DKK2: variants seen among roughly 807,000 people sequenced by gnomAD.
DKK2 encodes dickkopf Wnt signaling pathway inhibitor 2, also known as dickkopf-related protein 2.
A neutral mutation model predicts 28.1 loss-of-function variants in DKK2; 11 were observed. The observed-to-expected ratio is 0.39, with a 90% CI of 0.25 to 0.65. The LOEUF (loss-of-function observed/expected upper bound fraction) is 0.65, where lower values mean the gene tolerates loss of function less well. Among genes scored for constraint, DKK2 ranks in the 30% least tolerant of loss-of-function variants. The probability of loss-of-function intolerance (pLI) is 0.47; values close to 1 mark genes in which losing one functional copy is unlikely to be tolerated. For synonymous variants in DKK2, 135 were observed against 126.5 expected (o/e 1.07, Z -0.45); for missense variants, 326 against 335.5 (o/e 0.97, Z 0.22).
chr4:106,937,010 T>A (rs1469901266), intron 1 of DKK2, among the ~76,000 whole-genome samples: 1 of 151,900 alleles, frequency 6.6e-6, no homozygotes, highest in East Asian at 1.9e-4. Flanking sequence ...CGCTGCAAAA[T>A]CATGCCAAAA....
intron 1 of DKK2, among the ~76,000 whole-genome samples, chr4:106,997,424 A>G (rs1031423359): frequency 6.6e-6 from 1 of 152,048 alleles, no homozygotes; most frequent in African/African-American, 2.4e-5. Flanking sequence ...TTATCAGCCA[A>G]GTTTTATGTG....
At chr4:106,970,994 A>G (rs1722861019) in intron 1 of DKK2, among the ~76,000 whole-genome samples, 1 of 152,142 alleles carries the variant, frequency 6.6e-6, no homozygotes, top group African/African-American at 2.4e-5. Flanking sequence ...TTAAAATACC[A>G]AATTAGGTTT....
chr4:107,035,820 G>C lies in DKK2; in HGVS notation c.-229C>G. The C allele has an allele frequency of 1.7e-6, 1 of 578,866 alleles. No homozygotes were observed. The highest frequency in any genetic ancestry group is 3.1e-6 in the Non-Finnish European group (1 of 324,890). The allele number at this position is 578,866 out of a possible 1,614,324, so 35.9% of individuals were successfully genotyped here. Reference sequence around the variant, plus strand: ...ACCCGCTTCTCCACCAGGACAGGAAGTTCTGCAATAACTGGAAGCAATCAA... The same window carrying C: ...ACCCGCTTCTCCACCAGGACAGGAACTTCTGCAATAACTGGAAGCAATCAA... On this transcript the variant is annotated 5_prime_UTR_variant, in exon 1 of 4. Coordinates refer to ENST00000285311, the MANE Select transcript of DKK2 (RefSeq NM_014421.3).
chr4:106,990,013 T>C (rs1723181208), intron 1 of DKK2, among the ~76,000 whole-genome samples: 1 of 152,208 alleles, frequency 6.6e-6, no homozygotes, highest in African/African-American at 2.4e-5. Context: ...GATGTTTTCT[T>C]TTTTATATTG....
At position 106,924,677 on chromosome 4, in the gene DKK2, T is replaced by C; in HGVS notation, c.397A>G (p.Ser133Gly). The change falls in exon 3 of 4, where the codon AGC becomes GGC. Residue 133 changes from serine (S) to glycine (G), a missense_variant. Coordinates refer to ENST00000285311, the MANE Select transcript of DKK2 (RefSeq NM_014421.3). ...NNGICIPVTE[S>G]ILTPHIPALD... Reference sequence around the variant, plus strand: ...GCCGGGATGTGAGGGGTTAAGATGCTTTCAGTAACTGGGATACAGATGCCT... The same window carrying C: ...GCCGGGATGTGAGGGGTTAAGATGCCTTCAGTAACTGGGATACAGATGCCT... 6.2e-7 allele frequency: 1 copy of C among 1,613,554 alleles called. No homozygotes were observed. Among genetic ancestry groups the C allele is most frequent in the Non-Finnish European group, 8.5e-7 (1 of 1,179,722 alleles).
chr4:107,035,700 G>A lies in DKK2; in HGVS notation c.-109C>T. On this transcript the variant is annotated 5_prime_UTR_variant, in exon 1 of 4. Coordinates refer to ENST00000285311, the MANE Select transcript of DKK2 (RefSeq NM_014421.3). ...CTCACTTGGGTCGCGGGGGCTTGCA[G>A]ATTGTGTTCCCTCAACCCTTCCTGG... The A allele has an allele frequency of 8.9e-7, 1 of 1,127,050 alleles. No individual in the cohort carries two copies. Among genetic ancestry groups the A allele is most frequent in the Non-Finnish European group, 1.3e-6 (1 of 778,642 alleles). The allele number at this position is 1,127,050 out of a possible 1,614,324, so 69.8% of individuals were successfully genotyped here. A position where few individuals can be genotyped will look rare whatever the true frequency, so the allele number is the denominator to read the frequency against.
intron 1 of DKK2, among the ~76,000 whole-genome samples, chr4:106,971,761 A>G (rs764438156): frequency 1.4e-4 from 22 of 152,174 alleles, no homozygotes; most frequent in Middle Eastern, 3.4e-3. Flanking sequence ...CGGCTAATCA[A>G]CAAAAGCCAT....
intron 1 of DKK2, among the ~76,000 whole-genome samples, chr4:107,006,626 G>T (rs578117885): frequency 2.0e-5 from 3 of 152,202 alleles, no homozygotes; most frequent in Admixed American, 2.0e-4. Context: ...ATTGAGTGCA[G>T]GTGGTTTCCA....
chr4:107,009,188 G>A (rs759752002), intron 1 of DKK2, among the ~76,000 whole-genome samples: 11 of 151,654 alleles, frequency 7.3e-5, no homozygotes, highest in Non-Finnish European at 1.3e-4. Flanking sequence ...GGTGTCTACT[G>A]TCTTCAACCA....
At chr4:106,983,587 C>T (rs979627606) in intron 1 of DKK2, among the ~76,000 whole-genome samples, 11 of 152,130 alleles carry the variant, frequency 7.2e-5, no homozygotes, top group Non-Finnish European at 1.5e-4. Context: ...CCCTCCAACC[C>T]TGCCAAAAAA....
intron 1 of DKK2, among the ~76,000 whole-genome samples, chr4:106,999,160 C>A (rs1723320186): frequency 6.6e-6 from 1 of 152,140 alleles, no homozygotes; most frequent in South Asian, 2.1e-4. Context: ...GATGCTAATT[C>A]TATGCCTAAC....
intron 1 of DKK2, among the ~76,000 whole-genome samples, chr4:106,945,117 C>G (rs1403474838): frequency 2.6e-5 from 4 of 152,010 alleles, no homozygotes; most frequent in Non-Finnish European, 4.4e-5. Flanking sequence ...ACACACTGAT[C>G]AAATTTTGCC....
At chr4:106,939,971 CAG>C (rs1254990432) in intron 1 of DKK2, among the ~76,000 whole-genome samples, 13 of 152,206 alleles carry the variant, frequency 8.5e-5, no homozygotes, top group Non-Finnish European at 1.6e-4. Context: ...AGATGGATTA[CAG>C]ACTTAAACGT....
At chr4:106,960,254 A>T (rs1252577655) in intron 1 of DKK2, among the ~76,000 whole-genome samples, 1 of 151,904 alleles carries the variant, frequency 6.6e-6, no homozygotes, top group African/African-American at 2.4e-5. Context: ...AAAAAGAACG[A>T]AATAATGTCT....
In DKK2 at chr4:106,978,365, A is replaced by G. The variant is rs575723125; in HGVS notation, c.223-52416T>C. Among the ~76,000 whole-genome samples, 273 of 152,262 alleles carry G rather than the reference A, an allele frequency of 1.8e-3. 1 individual carries two copies. The highest frequency in any genetic ancestry group is 3.1e-3 in the Non-Finnish European group (209 of 68,016). On this transcript the variant is annotated intron_variant, in intron 1 of 3. Transcript: ENST00000285311. ...AGCCACCCCTTCCCCCAGGTGCTCT[A>G]TCCCAGGGAGATGAGAGTTTGATCT...
chr4:106,933,982 G>GTGTGTA (rs1553920735), intron 1 of DKK2, among the ~76,000 whole-genome samples: 3 of 151,050 alleles, frequency 2.0e-5, no homozygotes, highest in Non-Finnish European at 4.4e-5. Flanking sequence ...GTGTGTGTGT[G>GTGTGTA]TGTGTATGTG....
intron 1 of DKK2, among the ~76,000 whole-genome samples, chr4:107,009,235 C>T (rs1378651110): frequency 6.6e-6 from 1 of 151,776 alleles, no homozygotes; most frequent in Non-Finnish European, 1.5e-5. Flanking sequence ...TAACACCAAA[C>T]ATTTATAACA....
chr4:107,035,729 G>C lies in DKK2; in HGVS notation c.-138C>G, dbSNP rs764581290. 2.5e-4 allele frequency: 204 copies of C among 819,026 alleles called. No homozygotes were observed. The highest frequency in any genetic ancestry group is 3.7e-4 in the Non-Finnish European group (190 of 519,744). The allele number at this position is 819,026 out of a possible 1,614,324, so 50.7% of individuals were successfully genotyped here. A position where few individuals can be genotyped will look rare whatever the true frequency, so the allele number is the denominator to read the frequency against. On this transcript the variant is annotated 5_prime_UTR_variant, in exon 1 of 4. Transcript: ENST00000285311. ...GTGTTCCCTCAACCCTTCCTGGTTC[G>C]GGGACCCAGGACCCTATGAACTCAG...
intron 1 of DKK2, among the ~76,000 whole-genome samples, chr4:107,000,298 T>C (rs1000367353): frequency 2.6e-5 from 4 of 152,198 alleles, no homozygotes; most frequent in Non-Finnish European, 5.9e-5. Flanking sequence ...TGTTAATGAC[T>C]AGAGATTAAT....
Sources: gnomAD v4.1 joint callset for allele counts (sites outside exome capture counted in the v4.1 genomes callset) on GRCh38, gnomAD v4.1.1 for gene constraint, MANE v1.5 for transcripts, NCBI Gene and HGNC (gene_info 2026-07-23, HGNC 2026-07-21) for gene names.